EMG1: variants seen among roughly 807,000 people sequenced by gnomAD.
EMG1 encodes ribosomal RNA small subunit methyltransferase NEP1.
In EMG1, 24 loss-of-function variants were observed where a neutral mutation model predicts 26.9. That is an observed-to-expected ratio of 0.89 (90% CI 0.65 to 1.26). The LOEUF (loss-of-function observed/expected upper bound fraction) is 1.26, where lower values mean the gene tolerates loss of function less well. Among genes scored for constraint, EMG1 ranks in the 50% most tolerant of loss-of-function variants. The pLI is 0.00. For missense variants in EMG1, 299 were observed against 307.6 expected (o/e 0.97, Z 0.21); for synonymous variants, 140 against 112.6 (o/e 1.24, Z -1.54).
Position 6,978,446 on chromosome 12 carries a change from T to C in EMG1, c.*2637T>C, listed in dbSNP as rs1946434323. 1 of 1,614,028 alleles carries C rather than the reference T, an allele frequency of 6.2e-7. No homozygotes were observed. Among genetic ancestry groups the C allele is most frequent in the African/African-American group, 1.3e-5 (1 of 74,924 alleles). On this transcript the variant is annotated 3_prime_UTR_variant, in exon 6 of 6. Transcript: ENST00000599672. Reference sequence around the variant, plus strand: ...CTTCATGTTGGCACAGGCATCCCACTTTGCCTTGCCCTTTTCTTCAAAGCC... The same window carrying C: ...CTTCATGTTGGCACAGGCATCCCACCTTGCCTTGCCCTTTTCTTCAAAGCC...
downstream of EMG1, among the ~76,000 whole-genome samples, chr12:6,984,613 C>A (rs782511791): frequency 6.6e-6 from 1 of 152,278 alleles, no homozygotes; most frequent in South Asian, 2.1e-4. Context: ...GAGACAGGGT[C>A]TCTTGCTCTG....
Position 6,979,359 on chromosome 12 carries a change from A to G in EMG1, c.*3550A>G, listed in dbSNP as rs1444100645. On this transcript the variant is annotated 3_prime_UTR_variant, in exon 6 of 6. Coordinates refer to ENST00000599672, the MANE Select transcript of EMG1 (RefSeq NM_006331.8). ...AACTCACAGATCTAGAGCAAAACCAACATGCACTTGTAGATGATATTTCCT... is the reference window on the plus strand; with the variant it reads ...AACTCACAGATCTAGAGCAAAACCAGCATGCACTTGTAGATGATATTTCCT... 1.3e-6 allele frequency: 1 copy of G among 787,512 alleles called. No individual in the cohort carries two copies. 48.8% of individuals were successfully genotyped at this position (787,512 alleles called of 1,614,324 possible). A position where few individuals can be genotyped will look rare whatever the true frequency, so the allele number is the denominator to read the frequency against.
chr12:6,975,999 A>G lies in EMG1; in HGVS notation c.*190A>G, dbSNP rs192650446. On this transcript the variant is annotated 3_prime_UTR_variant, in exon 6 of 6. Coordinates refer to ENST00000599672, the MANE Select transcript of EMG1 (RefSeq NM_006331.8). The stretch of plus-strand genomic sequence containing the variant: ...CAAACCTGGTTGTTTTGGGGTTCCT[A>G]AAGTATCCAGTGGTGTAAAACTGTT... 3.0e-4 allele frequency: 169 copies of G among 559,700 alleles called. 1 individual carries two copies. The highest frequency in any genetic ancestry group is 4.0e-4 in the Admixed American group (13 of 32,226). The allele number at this position is 559,700 out of a possible 1,614,324, so 34.7% of individuals were successfully genotyped here. A position where few individuals can be genotyped will look rare whatever the true frequency, so the allele number is the denominator to read the frequency against.
intron 1 of EMG1, among the ~76,000 whole-genome samples, chr12:6,972,220 G>C (rs1946339701): frequency 1.3e-5 from 2 of 152,000 alleles, no homozygotes; most frequent in Admixed American, 6.6e-5. Context: ...GCCTGCGCCT[G>C]TAATCTATTA....
chr12:6,993,483 T>A (rs1192611322), intron 7 of EMG1, among the ~76,000 whole-genome samples: 2 of 152,204 alleles, frequency 1.3e-5, no homozygotes, highest in East Asian at 3.9e-4. Context: ...TCTATCTAAT[T>A]TCAGAATATC....
chr12:6,977,356 C>A lies in EMG1; in HGVS notation c.*1547C>A. The A allele has an allele frequency of 4.3e-6, 7 of 1,614,126 alleles. No homozygotes were observed. The highest frequency in any genetic ancestry group is 5.9e-6 in the Non-Finnish European group (7 of 1,179,980). ...AGTCCCTCCCAGTCTCACAAGCAGGCCTTCACTTGCCTTAAGCCATTTGTC... is the reference window on the plus strand; with the variant it reads ...AGTCCCTCCCAGTCTCACAAGCAGGACTTCACTTGCCTTAAGCCATTTGTC... On this transcript the variant is annotated 3_prime_UTR_variant, in exon 6 of 6. Transcript: ENST00000599672. The surrounding 1 kb of genome is among the most constrained non-coding windows in gnomAD (Gnocchi z 4.5).
chr12:6,984,786 T>C (rs1946504604), downstream of EMG1, among the ~76,000 whole-genome samples: 1 of 151,942 alleles, frequency 6.6e-6, no homozygotes, highest in South Asian at 2.1e-4. Context: ...GTTCTCACTA[T>C]GTTGCCCAGG....
intron 7 of EMG1, among the ~76,000 whole-genome samples, chr12:6,996,594 T>C (rs1946637694): frequency 1.3e-5 from 2 of 152,176 alleles, no homozygotes; most frequent in South Asian, 2.1e-4. Flanking sequence ...GAACAATGAG[T>C]GAACAAGTGC....
Position 6,976,020 on chromosome 12 carries a change from CTGTT to C in EMG1, c.*216_*219del, listed in dbSNP as rs1191172370. ...TCCTAAAGTATCCAGTGGTGTAAAA[CTGTT>C]TGTTCCCCGGGACTTCAGGGACAGA... On this transcript the variant is annotated 3_prime_UTR_variant, in exon 6 of 6. Transcript: ENST00000599672. 3 of 499,064 alleles carry C rather than the reference CTGTT, an allele frequency of 6.0e-6. No homozygotes were observed. Among genetic ancestry groups the C allele is most frequent in the Non-Finnish European group, 1.1e-5 (3 of 279,492 alleles). 30.9% of individuals were successfully genotyped at this position (499,064 alleles called of 1,614,324 possible). A position where few individuals can be genotyped will look rare whatever the true frequency, so the allele number is the denominator to read the frequency against.
Position 6,977,495 on chromosome 12 carries a change from G to C in EMG1, c.*1686G>C, listed in dbSNP as rs1366082027. The C allele has an allele frequency of 6.2e-7, 1 of 1,614,110 alleles. No individual in the cohort carries two copies. The highest frequency in any genetic ancestry group is 1.7e-5 in the Admixed American group (1 of 60,008). On this transcript the variant is annotated 3_prime_UTR_variant, in exon 6 of 6. Transcript: ENST00000599672. The surrounding 1 kb of genome is among the most constrained non-coding windows in gnomAD (Gnocchi z 4.5). Reference sequence around the variant, plus strand: ...ACAGTAATGGCGGCCAGCTTGCTCAGGGTGGGGCTCTCTTGAATGAGCCTG... The same window carrying C: ...ACAGTAATGGCGGCCAGCTTGCTCACGGTGGGGCTCTCTTGAATGAGCCTG...
At chr12:6,971,667 T>C (rs1489612034) in intron 1 of EMG1, among the ~76,000 whole-genome samples, 2 of 152,196 alleles carry the variant, frequency 1.3e-5, no homozygotes, top group Non-Finnish European at 2.9e-5. Flanking sequence ...TGTGGTATAG[T>C]AGTCTAAGCA....
chr12:6,992,940 T>C (rs2138344819), downstream of EMG1, among the ~76,000 whole-genome samples: 1 of 152,322 alleles, frequency 6.6e-6, no homozygotes, highest in East Asian at 1.9e-4. Context: ...ATAATGTAAA[T>C]GCAATGCAAA....
chr12:6,978,750 A>T lies in EMG1; in HGVS notation c.*2941A>T. 1 of 1,593,772 alleles carries T rather than the reference A, an allele frequency of 6.3e-7. No homozygotes were observed. Among genetic ancestry groups the T allele is most frequent in the Non-Finnish European group, 8.6e-7 (1 of 1,168,662 alleles). On this transcript the variant is annotated 3_prime_UTR_variant, in exon 6 of 6. Coordinates refer to ENST00000599672, the MANE Select transcript of EMG1 (RefSeq NM_006331.8). ...ACATGACTAGGCAGTTTCTCTCAGCACTCTTCCTTTTCACACTTGTGGCTG... is the reference window on the plus strand; with the variant it reads ...ACATGACTAGGCAGTTTCTCTCAGCTCTCTTCCTTTTCACACTTGTGGCTG...
Position 6,975,864 on chromosome 12 carries a change from C to G in EMG1, c.*55C>G, listed in dbSNP as rs1436905209. 3 of 1,007,934 alleles carry G rather than the reference C, an allele frequency of 3.0e-6. No individual in the cohort carries two copies. The highest frequency in any genetic ancestry group is 4.7e-6 in the Non-Finnish European group (3 of 634,628). 62.4% of individuals were successfully genotyped at this position (1,007,934 alleles called of 1,614,324 possible). On this transcript the variant is annotated 3_prime_UTR_variant, in exon 6 of 6. Transcript: ENST00000599672. ...ACTGTTGATGTCACATCCTTTGACC[C>G]TGGTCTGAGCTGACTGCTGGAAGAT...
rs983815214 is a variant in EMG1, at chr12:6,986,351, T to C, written c.*155-1431T>C. Among the ~76,000 whole-genome samples, 81 of 152,332 alleles carry C rather than the reference T, an allele frequency of 5.3e-4. 1 individual carries two copies. Among genetic ancestry groups the C allele is most frequent in the Admixed American group, 2.3e-3 (35 of 15,296 alleles). On this transcript the variant is annotated intron_variant and NMD_transcript_variant, in intron 6 of 7. Transcript: ENST00000261406. ...ATATTTTTTCTTGCTTATGATTCTCTTAATAACATTTTCTTTTCTATAGTT... is the reference window on the plus strand; with the variant it reads ...ATATTTTTTCTTGCTTATGATTCTCCTAATAACATTTTCTTTTCTATAGTT...
chr12:6,983,370 T>TC, downstream of EMG1: 5 of 1,131,934 alleles, frequency 4.4e-6, no homozygotes, highest in Non-Finnish European at 6.6e-6. Context: ...GAAATTTTGT[T>TC]CAAGTCTGTT....
downstream of EMG1, among the ~76,000 whole-genome samples, chr12:6,993,070 G>C (rs1204651718): frequency 6.6e-6 from 1 of 152,216 alleles, no homozygotes; most frequent in Middle Eastern, 3.4e-3. Context: ...CAGTTTCCTG[G>C]ATTTTTTTCT....
At chr12:6,989,838 G>A (rs1487412801), downstream of EMG1, among the ~76,000 whole-genome samples, 1 of 152,198 alleles carries the variant, frequency 6.6e-6, no homozygotes, top group East Asian at 1.9e-4. Flanking sequence ...AAAGTTGTGA[G>A]GTTTCATCTG....
In EMG1 at chr12:6,976,728, A is replaced by C. The variant is rs1371720201; in HGVS notation, c.*919A>C. The C allele has an allele frequency of 6.2e-6, 1 of 160,358 alleles. No homozygotes were observed. Among genetic ancestry groups the C allele is most frequent in the Non-Finnish European group, 1.4e-5 (1 of 72,494 alleles). 9.9% of individuals were successfully genotyped at this position (160,358 alleles called of 1,614,324 possible). The stretch of plus-strand genomic sequence containing the variant: ...ACAAAGCAAGACGCCTTCTCCAAAA[A>C]AAAGTTTCCCCTTTGGCCCCAAATG... On this transcript the variant is annotated 3_prime_UTR_variant, in exon 6 of 6. Coordinates refer to ENST00000599672, the MANE Select transcript of EMG1 (RefSeq NM_006331.8).
Sources: gnomAD v4.1 joint callset for allele counts (sites outside exome capture counted in the v4.1 genomes callset) on GRCh38, gnomAD v4.1.1 for gene constraint, Gnocchi (gnomAD v3.1) non-coding constraint, MANE v1.5 for transcripts, NCBI Gene and HGNC (gene_info 2026-07-23, HGNC 2026-07-21) for gene names.